NXF2: variants seen among roughly 807,000 people sequenced by gnomAD.
NXF2 encodes TAP-like protein 2.
At chrX:102,254,364 A>C (rs1316847536) in intron 2 of NXF2, among the ~76,000 whole-genome samples, 1 of 85,134 alleles carries the variant, frequency 1.2e-5, no homozygotes, top group Non-Finnish European at 2.2e-5. Context: ...TCACTACCAT[A>C]TTTTTTTCTA....
intron 2 of NXF2, among the ~76,000 whole-genome samples, chrX:102,285,955 TTC>T (rs1274610100): frequency 1.7e-4 from 9 of 53,783 alleles, no homozygotes; most frequent in Admixed American, 7.0e-4. Flanking sequence ...TTTTTTTTTT[TTC>T]TGGACTCTGA....
At chrX:102,298,459 T>C (rs1225312255) in intron 2 of NXF2, among the ~76,000 whole-genome samples, 5 of 55,714 alleles carry the variant, frequency 9.0e-5, no homozygotes, top group African/African-American at 3.3e-4. Context: ...CCTTGTGAGT[T>C]ATGCAAAAAA....
intron 2 of NXF2, among the ~76,000 whole-genome samples, chrX:102,282,337 T>C (rs1392704556): frequency 8.7e-6 from 1 of 114,842 alleles, no homozygotes; most frequent in African/African-American, 3.2e-5. Context: ...AGCACTGAGG[T>C]CATTGCTTCA....
chrX:102,282,142 T>A (rs1933924351), intron 2 of NXF2, among the ~76,000 whole-genome samples: 1 of 88,804 alleles, frequency 1.1e-5, no homozygotes, highest in Non-Finnish European at 2.2e-5. Context: ...TATGGCCTAG[T>A]CTGCCTTTCA....
chrX:102,282,222 C>T (rs1440322426), intron 2 of NXF2, among the ~76,000 whole-genome samples: 1 of 98,325 alleles, frequency 1.0e-5, no homozygotes, highest in Non-Finnish European at 2.1e-5. Context: ...GTTCTGATCA[C>T]TGGGATCAGT....
intron 2 of NXF2, among the ~76,000 whole-genome samples, chrX:102,285,935 GTT>G (rs1273112404): frequency 3.1e-5 from 1 of 32,527 alleles, no homozygotes; most frequent in African/African-American, 1.4e-4. Flanking sequence ...TTGTTTGTTT[GTT>G]TTTGTTTTTT....
rs1202528667 is a variant in NXF2 at position 102,251,424 on chromosome X, A to G, written c.-54+2866A>G. On this transcript the variant is annotated intron_variant, in intron 2 of 22. Transcript: ENST00000625106. ...TTATTGGGCCAAAAGTTAAGTGCAC[A>G]TGTAGTTTTCTTAGGTGTTTCCAAG... 5.5e-4 allele frequency among the ~76,000 whole-genome samples: 17 copies of G among 30,885 alleles called. 1 individual carries two copies. The allele number at this position is 30,885 out of a possible 115,157, so 26.8% of individuals were successfully genotyped here.
At chrX:102,299,054 ATT>A (rs1188503391) in intron 2 of NXF2, among the ~76,000 whole-genome samples, 1 of 56,602 alleles carries the variant, frequency 1.8e-5, no homozygotes, top group Non-Finnish European at 3.3e-5. Context: ...TACTTATCAC[ATT>A]TTGTGTTAAG....
At chrX:102,252,167 AT>A (rs1480529013) in intron 2 of NXF2, among the ~76,000 whole-genome samples, 1 of 73,215 alleles carries the variant, frequency 1.4e-5, no homozygotes, top group African/African-American at 5.3e-5. Flanking sequence ...TCATTTTCGT[AT>A]TTTTAGTAGA....
At chrX:102,282,273 T>C (rs1250636455) in intron 2 of NXF2, among the ~76,000 whole-genome samples, 3 of 111,975 alleles carry the variant, frequency 2.7e-5, no homozygotes, top group African/African-American at 9.7e-5. Flanking sequence ...GCTCCCTCTG[T>C]TGGGGGGGCA....
intron 2 of NXF2, among the ~76,000 whole-genome samples, chrX:102,294,584 G>A (rs1408021434): frequency 1.8e-5 from 1 of 54,435 alleles, no homozygotes; most frequent in Non-Finnish European, 3.6e-5. Flanking sequence ...AATCTCCCCC[G>A]TTTGTCCCCA....
chrX:102,252,181 CG>C (rs1448556976), intron 2 of NXF2, among the ~76,000 whole-genome samples: 26 of 74,031 alleles, frequency 3.5e-4, no homozygotes, highest in Admixed American at 6.5e-4. Flanking sequence ...TTAGTAGAGA[CG>C]GGGTTTCACC....
At chrX:102,281,975 A>AT (rs35643029) in intron 2 of NXF2, among the ~76,000 whole-genome samples, 5 of 10,824 alleles carry the variant, frequency 4.6e-4, no homozygotes, top group African/African-American at 6.8e-4. Flanking sequence ...CGCCCGGCTA[A>AT]TTTTTTTTTT....
At chrX:102,289,773 T>C (rs1933960734) in intron 2 of NXF2, among the ~76,000 whole-genome samples, 1 of 104,408 alleles carries the variant, frequency 9.6e-6, no homozygotes, top group East Asian at 2.7e-4. Flanking sequence ...TGTGTTCCGT[T>C]GGTCTATATC....
In NXF2 at chrX:102,248,575, C is replaced by T. The variant is rs1243497138; in HGVS notation, c.-54+17C>T. On this transcript the variant is annotated intron_variant, in intron 2 of 22. Transcript: ENST00000625106. ...ACCAGTCAGGTATTTTGTGGAATGT[C>T]TCTCAATTTGTGTTTGTCTCATGTT... The T allele has an allele frequency of 4.5e-5, 4 of 88,494 alleles. No individual in the cohort carries two copies. 7.3% of individuals were successfully genotyped at this position (88,494 alleles called of 1,213,427 possible).
chrX:102,293,524 CATATAT>C (rs1176337938), intron 2 of NXF2, among the ~76,000 whole-genome samples: 896 of 8,641 alleles, frequency 0.1, 110 homozygotes, highest in Non-Finnish European at 0.13. Context: ...TCTTTCTTTC[CATATAT>C]ATATATATAT....
At chrX:102,266,500 G>GA (rs1481560201) in intron 2 of NXF2, among the ~76,000 whole-genome samples, 3 of 43,586 alleles carry the variant, frequency 6.9e-5, no homozygotes, top group Non-Finnish European at 9.4e-5. Context: ...CCAGGAGCTG[G>GA]TTTTTTGAAA....
intron 2 of NXF2, among the ~76,000 whole-genome samples, chrX:102,294,204 G>T (rs1374472188): frequency 2.8e-5 from 3 of 105,796 alleles, no homozygotes; most frequent in East Asian, 5.9e-4. Flanking sequence ...AAAAAAAAAA[G>T]AAGTCTGTTG....
At chrX:102,282,015 C>T (rs1933922544) in intron 2 of NXF2, among the ~76,000 whole-genome samples, 1 of 41,497 alleles carries the variant, frequency 2.4e-5, no homozygotes, top group African/African-American at 7.2e-5. Context: ...AGACGGGGTT[C>T]CACCGTGTTA....
Sources: gnomAD v4.1 joint callset for allele counts (sites outside exome capture counted in the v4.1 genomes callset) on GRCh38, gnomAD v4.1.1 for gene constraint, MANE v1.5 for transcripts, NCBI Gene and HGNC (gene_info 2026-07-23, HGNC 2026-07-21) for gene names.